CCDC66: variants seen among roughly 807,000 people sequenced by gnomAD.
CCDC66 encodes the protein coiled-coil domain-containing protein 66.
Under a neutral mutation model 128.3 loss-of-function variants are expected in CCDC66, and 133 were observed. The ratio of observed to expected loss-of-function variants is 1.04; its 90% confidence interval spans 0.90 to 1.20. CCDC66 has a LOEUF of 1.20. Ranked by LOEUF, CCDC66 falls within the 50% of genes most tolerant of loss-of-function variation. The pLI is 0.00. For synonymous variants in CCDC66, 387 were observed against 357.0 expected, an observed-to-expected ratio of 1.08 and a Z score of -0.95; for missense variants, 1,126 against 1,075.5, an observed-to-expected ratio of 1.05 and a Z score of -0.66.
intron 10 of CCDC66, among the ~76,000 whole-genome samples, chr3:56,604,904 A>G (rs1337731093): frequency 1.3e-5 from 2 of 151,906 alleles, no homozygotes; most frequent in East Asian, 3.9e-4. Context: ...TTTCAGGTAC[A>G]CTAATCAAAC....
Position 56,571,181 on chromosome 3 carries a change from A to G in CCDC66, c.815A>G (p.Asp272Gly). 1 of 1,512,004 alleles carries G rather than the reference A, an allele frequency of 6.6e-7. No homozygotes were observed. The highest frequency in any genetic ancestry group is 9.0e-7 in the Non-Finnish European group (1 of 1,112,374). The allele number at this position is 1,512,004 out of a possible 1,614,324, so 93.7% of individuals were successfully genotyped here. A position where few individuals can be genotyped will look rare whatever the true frequency, so the allele number is the denominator to read the frequency against. The part of the protein sequence containing the change: ...AKKAQWRKEL[D>G]EQVALKKKEK... ...TTTTTAAAAAGGACATTATTTACAG[A>G]TGAACAGGTTGCTTTAAAGAAGAAA... The change falls in exon 7 of 18, where the codon GAT becomes GGT. Residue 272 changes from aspartate to glycine, a missense_variant and splice_region_variant. By Grantham distance (94) the Asp-to-Gly change is moderately conservative. Coordinates refer to ENST00000394672, the MANE Select transcript of CCDC66 (RefSeq NM_001141947.3).
At chr3:56,601,323 T>C (rs949945235) in intron 10 of CCDC66, among the ~76,000 whole-genome samples, 1 of 152,098 alleles carries the variant, frequency 6.6e-6, no homozygotes. Flanking sequence ...TTCTGTTCTA[T>C]TCATCTATAT....
intron 7 of CCDC66, among the ~76,000 whole-genome samples, chr3:56,582,882 A>ATTATTC (rs2068682657): frequency 6.8e-6 from 1 of 146,450 alleles, no homozygotes; most frequent in Admixed American, 7.0e-5. Context: ...TATTATTATT[A>ATTATTC]TTATTATTAT....
chr3:56,613,260 A>G (rs562166322), intron 10 of CCDC66, among the ~76,000 whole-genome samples: 66 of 152,222 alleles, frequency 4.3e-4, no homozygotes, highest in African/African-American at 1.6e-3. Flanking sequence ...GGGCTGTTTG[A>G]TGGTTAGGAT....
chr3:56,577,535 T>C (rs2067593133), intron 7 of CCDC66, among the ~76,000 whole-genome samples: 1 of 151,918 alleles, frequency 6.6e-6, no homozygotes, highest in South Asian at 2.1e-4. Flanking sequence ...TCTAGGGTTT[T>C]TATGGTTTTA....
rs560049053 is a variant in CCDC66, at chr3:56,611,300, G to A, written c.1405-2289G>A. 3.9e-5 allele frequency among the ~76,000 whole-genome samples: 6 copies of A among 152,090 alleles called. No homozygotes were observed. In the South Asian group the frequency reaches 1.2e-3, roughly 32 times the overall value. ...CAGGTCACTGGAGTAGTGTACCTAG[G>A]AGGATTATGGCTGCCTGTGCTGAGT... On this transcript the variant is annotated intron_variant, in intron 10 of 17. Coordinates refer to ENST00000394672, the MANE Select transcript of CCDC66 (RefSeq NM_001141947.3).
intron 7 of CCDC66, among the ~76,000 whole-genome samples, chr3:56,573,470 G>C (rs933842442): frequency 6.6e-6 from 1 of 152,180 alleles, no homozygotes; most frequent in African/African-American, 2.4e-5. Flanking sequence ...CTGAATATAC[G>C]TATTTAATAA....
intron 6 of CCDC66, 150 bp from the exon 7 acceptor site, chr3:56,571,031 A>G: frequency 3.9e-6 from 2 of 516,412 alleles, no homozygotes; most frequent in Middle Eastern, 3.2e-4. Context: ...TCCCTAAAAA[A>G]TTATTCTCCA....
chr3:56,604,162 A>G (rs2073699071), intron 10 of CCDC66, among the ~76,000 whole-genome samples: 1 of 151,918 alleles, frequency 6.6e-6, no homozygotes, highest in South Asian at 2.1e-4. Context: ...TTTTGAGCCT[A>G]TGTGTGTCTC....
At chr3:56,565,121 T>C in intron 4 of CCDC66, 1 of 423,976 alleles carries the variant, frequency 2.4e-6, no homozygotes, top group Non-Finnish European at 4.8e-6. Context: ...AACATCTGAT[T>C]TTGATATTAT....
chr3:56,565,046 C>G, intron 4 of CCDC66: 1 of 232,318 alleles, frequency 4.3e-6, no homozygotes, highest in Non-Finnish European at 9.4e-6. Context: ...TTTCTCTTCA[C>G]TGGGAGAACT....
At chr3:56,599,894 A>G (rs1410162834) in intron 10 of CCDC66, among the ~76,000 whole-genome samples, 1 of 152,060 alleles carries the variant, frequency 6.6e-6, no homozygotes, top group Non-Finnish European at 1.5e-5. Context: ...ATGTGTTCTC[A>G]TGGTTCAACT....
At chr3:56,569,370 G>A (rs2066321168) in intron 6 of CCDC66, 2 of 337,670 alleles carry the variant, frequency 5.9e-6, no homozygotes, top group African/African-American at 2.1e-5. Context: ...TGAGGCCTCA[G>A]GAAGCTTTTA....
chr3:56,563,524 T>C (rs1432482157), intron 3 of CCDC66, 160 bp from the exon 4 acceptor site: 2 of 574,034 alleles, frequency 3.5e-6, no homozygotes, highest in Non-Finnish European at 6.0e-6. Flanking sequence ...TAGTTGTTGA[T>C]GAAGATTTGC....
Position 56,566,762 on chromosome 3 carries a change from A to G in CCDC66, c.710+3A>G, listed in dbSNP as rs771799876. On this transcript the variant is annotated splice_donor_region_variant and intron_variant, in intron 5 of 17. Transcript: ENST00000394672. Reference sequence around the variant, plus strand: ...CAGTGTGAGCAAAAAATTGCCATGTATGTAACTCCTATCTGTTGTTATTGT... The same window carrying G: ...CAGTGTGAGCAAAAAATTGCCATGTGTGTAACTCCTATCTGTTGTTATTGT... 15 of 1,608,074 alleles carry G rather than the reference A, an allele frequency of 9.3e-6. 1 individual carries two copies. The South Asian group carries it at 1.1e-4, about 12-fold the overall frequency.
chr3:56,557,705 T>G (rs2107678565), intron 1 of CCDC66: 1 of 170,940 alleles, frequency 5.9e-6, no homozygotes, highest in East Asian at 1.7e-4. Context: ...ACCAGGCTTC[T>G]CAAGAAATCG....
chr3:56,620,094 T>G, intron 17 of CCDC66, 193 bp downstream of exon 17: 1 of 445,014 alleles, frequency 2.2e-6, no homozygotes, highest in Non-Finnish European at 3.9e-6. Context: ...CTGCCGTCTT[T>G]GAGTAGTTCT....
At chr3:56,571,458 T>C (rs2066604674) in intron 7 of CCDC66, 156 bp downstream of exon 7, 4 of 472,822 alleles carry the variant, frequency 8.5e-6, no homozygotes, top group Non-Finnish European at 1.1e-5. Flanking sequence ...CTCAGCTCAC[T>C]GCAACCTACC....
In CCDC66 at chr3:56,607,894, A is replaced by G. The variant is rs543455230; in HGVS notation, c.1405-5695A>G. ...TGCTTTTTCTGCATCTATTGAGATG[A>G]TCATGTGATTTTTGTTCTTAATTCT... On this transcript the variant is annotated intron_variant, in intron 10 of 17. Coordinates refer to ENST00000394672, the MANE Select transcript of CCDC66 (RefSeq NM_001141947.3). Among the ~76,000 whole-genome samples the G allele has an allele frequency of 9.8e-5, 15 of 152,310 alleles. No homozygotes were observed. The South Asian group carries it at 3.1e-3, about 32-fold the overall frequency.
Sources: allele counts gnomAD v4.1 joint callset (sites outside exome capture counted in the v4.1 genomes callset), GRCh38; gene constraint gnomAD v4.1.1; transcripts MANE v1.5; gene names NCBI Gene and HGNC (gene_info 2026-07-23, HGNC 2026-07-21).